The following DNMT3B variants were observed in gnomAD, a reference collection of about 807,000 sequenced individuals.
The protein encoded by DNMT3B is DNA (cytosine-5)-methyltransferase 3B.
Under a neutral mutation model 120.2 loss-of-function variants are expected in DNMT3B, and 37 were observed. The ratio of observed to expected loss-of-function variants is 0.31; its 90% CI spans 0.24 to 0.40. The LOEUF (loss-of-function observed/expected upper bound fraction) is 0.40, where lower values mean the gene tolerates loss of function less well. Among genes scored for constraint, DNMT3B ranks in the 10% least tolerant of loss-of-function variants. DNMT3B has a pLI of 1.00. For synonymous variants in DNMT3B, 412 were observed against 442.8 expected (o/e 0.93, Z 0.87); for missense variants, 878 against 1,137.3 (o/e 0.77, Z 3.28).
In DNMT3B at chr20:32,781,388, G is replaced by A; in HGVS notation, c.178G>A (p.Val60Met). ...AAGCTCGCGACTCTCCAAGAGGGAG[G>A]TGTCCAGTCTGCTAAGCTACACACA... Reference protein sequence around the residue: ...RSSSRLSKREVSSLLSYTQDL... With the variant: ...RSSSRLSKREMSSLLSYTQDL... The change falls in exon 3 of 23, where the codon GTG becomes ATG. Residue 60 changes from valine to methionine, a missense_variant. Around this residue, in one of 4 missense-constraint regions of DNMT3B, gnomAD observed 287 missense variants for 306.2 expected, o/e 0.94. Coordinates refer to ENST00000328111, the MANE Select transcript of DNMT3B (RefSeq NM_006892.4). The A allele has an allele frequency of 1.2e-6, 2 of 1,614,192 alleles. No homozygotes were observed. The highest frequency in any genetic ancestry group is 1.7e-6 in the Non-Finnish European group (2 of 1,180,044).
chr20:32,795,607 C>G (rs143953719), intron 11 of DNMT3B, 43 bp from the exon 12 acceptor site: 1 of 1,614,050 alleles, frequency 6.2e-7, no homozygotes, highest in African/African-American at 1.3e-5. Context: ...GATCTGTACC[C>G]GGCTCCCTGA....
At position 32,791,670 on chromosome 20, in the gene DNMT3B, C is replaced by G. The variant is rs1243294012; in HGVS notation, c.883C>G (p.Leu295Val). The G allele has an allele frequency of 6.2e-7, 1 of 1,614,160 alleles. No homozygotes were observed. The highest frequency in any genetic ancestry group is 8.5e-7 in the Non-Finnish European group (1 of 1,180,004). ...QHFNLATFNK[L>V]VSYRKAMYHA... ...CTTTAATTTGGCCACCTTCAATAAGCTCGTCTCCTATCGAAAAGCCATGTA... is the reference window on the plus strand; with the variant it reads ...CTTTAATTTGGCCACCTTCAATAAGGTCGTCTCCTATCGAAAAGCCATGTA... The change falls in exon 8 of 23, where the codon CTC becomes GTC. Residue 295 changes from leucine (L) to valine (V), a missense_variant. Coordinates refer to ENST00000328111, the MANE Select transcript of DNMT3B (RefSeq NM_006892.4).
In DNMT3B at chr20:32,781,314, T is replaced by G. The variant is rs201695828; in HGVS notation, c.143-39T>G. 2.4e-5 allele frequency: 38 copies of G among 1,585,450 alleles called. No individual in the cohort carries two copies. The East Asian group carries it at 8.7e-4, about 36-fold the overall frequency. On this transcript the variant is annotated intron_variant, in intron 2 of 22. Coordinates refer to ENST00000328111, the MANE Select transcript of DNMT3B (RefSeq NM_006892.4). ...CAAGGCCGTTCCCCAGACTGGTGCC[T>G]GCCCCCACAAAACAGACTCCTGGCT...
chr20:32,783,999 C>T (rs1978952379), intron 3 of DNMT3B, among the ~76,000 whole-genome samples: 1 of 152,076 alleles, frequency 6.6e-6, no homozygotes, highest in African/African-American at 2.4e-5. Flanking sequence ...TAACCTCCAC[C>T]TCCCAGGTTT....
intron 3 of DNMT3B, among the ~76,000 whole-genome samples, chr20:32,782,954 A>G (rs1251537215): frequency 6.6e-6 from 1 of 152,094 alleles, no homozygotes; most frequent in Admixed American, 6.6e-5. Context: ...TTTGAGATGA[A>G]GTCTGTTGCC....
chr20:32,800,093 G>A (rs1981139671), intron 16 of DNMT3B, 60 bp from the exon 17 acceptor site: 1 of 1,608,444 alleles, frequency 6.2e-7, no homozygotes, highest in Non-Finnish European at 8.5e-7. Flanking sequence ...GGGAGTGGAG[G>A]AAATGAGCTG....
intron 21 of DNMT3B, among the ~76,000 whole-genome samples, chr20:32,805,889 C>G (rs182861497): frequency 9.2e-5 from 14 of 152,250 alleles, no homozygotes; most frequent in Non-Finnish European, 1.9e-4. Context: ...TTCTTGGCCC[C>G]CCACGTGATC....
intron 1 of DNMT3B, among the ~76,000 whole-genome samples, chr20:32,763,008 C>G (rs947039680): frequency 6.6e-6 from 1 of 152,028 alleles, no homozygotes; most frequent in Admixed American, 6.5e-5. Context: ...GAAGCTTGCT[C>G]GCAGGGAGGG....
intron 22 of DNMT3B, among the ~76,000 whole-genome samples, chr20:32,807,463 AATGG>A (rs1489283785): frequency 2.0e-5 from 3 of 152,180 alleles, no homozygotes; most frequent in Non-Finnish European, 2.9e-5. Flanking sequence ...GTGTTTTGAA[AATGG>A]ATACATTGCT....
Position 32,800,941 on chromosome 20 carries a change from T to C in DNMT3B, c.1996+16T>C, listed in dbSNP as rs1981261652. 1 of 1,613,918 alleles carries C rather than the reference T, an allele frequency of 6.2e-7. No individual in the cohort carries two copies. The highest frequency in any genetic ancestry group is 1.7e-5 in the Admixed American group (1 of 60,006). On this transcript the variant is annotated intron_variant, in intron 18 of 22. Coordinates refer to ENST00000328111, the MANE Select transcript of DNMT3B (RefSeq NM_006892.4). Reference sequence around the variant, plus strand: ...GGCCTGTATGGTGAGCATCCTTCTCTCTGGCAGTCCCTGGAGAGCCTATGT... The same window carrying C: ...GGCCTGTATGGTGAGCATCCTTCTCCCTGGCAGTCCCTGGAGAGCCTATGT...
intron 12 of DNMT3B, 135 bp from the exon 13 acceptor site, chr20:32,796,655 C>A: frequency 1.1e-6 from 1 of 888,654 alleles, no homozygotes; most frequent in Non-Finnish European, 1.9e-6. Context: ...AGCTGTGAGG[C>A]ATGGCCTGAG....
chr20:32,785,430 G>A (rs1979155217), intron 4 of DNMT3B, among the ~76,000 whole-genome samples: 1 of 152,152 alleles, frequency 6.6e-6, no homozygotes, highest in Non-Finnish European at 1.5e-5. Flanking sequence ...GATAGAGTTT[G>A]CAGGGTGGAT....
chr20:32,774,586 G>A (rs941037824), intron 1 of DNMT3B, among the ~76,000 whole-genome samples: 6 of 150,554 alleles, frequency 4.0e-5, no homozygotes, highest in Middle Eastern at 3.4e-3. Flanking sequence ...TTACTGGTGG[G>A]GATTGGGCTT....
At chr20:32,769,186 G>A (rs1987566600) in intron 1 of DNMT3B, among the ~76,000 whole-genome samples, 3 of 152,008 alleles carry the variant, frequency 2.0e-5, no homozygotes, top group South Asian at 2.1e-4. Flanking sequence ...CCGGGTTCAC[G>A]CCATTCTCCT....
intron 1 of DNMT3B, among the ~76,000 whole-genome samples, chr20:32,770,283 T>C (rs1438356364): frequency 1.3e-5 from 2 of 151,956 alleles, no homozygotes; most frequent in Non-Finnish European, 2.9e-5. Flanking sequence ...AGGCTAGTTT[T>C]TGTAATTTTT....
chr20:32,774,502 C>A (rs1987954247), intron 1 of DNMT3B, among the ~76,000 whole-genome samples: 2 of 137,626 alleles, frequency 1.5e-5, no homozygotes, highest in African/African-American at 2.7e-5. Context: ...AGCCACCGCG[C>A]CTGGCCTTTT....
Position 32,792,639 on chromosome 20 carries a change from G to T in DNMT3B, c.935G>T (p.Arg312Leu), listed in dbSNP as rs763435705. The change falls in exon 9 of 23, where the codon CGA becomes CTA. Residue 312 changes from arginine to leucine, a missense_variant. This residue lies in a region of DNMT3B where 207 missense variants were observed against 222.6 expected (regional missense o/e 0.93). Coordinates refer to ENST00000328111, the MANE Select transcript of DNMT3B (RefSeq NM_006892.4). ...MYHALEKARV[R>L]AGKTFPSSPG... ...CTGCCTTTGCAGAAAGCTAGGGTGC[G>T]AGCTGGCAAGACCTTCCCCAGCAGC... The T allele has an allele frequency of 1.2e-6, 2 of 1,614,112 alleles. No individual in the cohort carries two copies. Among genetic ancestry groups the T allele is most frequent in the African/African-American group, 1.3e-5 (1 of 74,946 alleles).
intron 1 of DNMT3B, among the ~76,000 whole-genome samples, chr20:32,774,425 G>C (rs1034280148): frequency 5.7e-4 from 86 of 151,128 alleles, no homozygotes; most frequent in African/African-American, 2.0e-3. Flanking sequence ...TAGCCAGGAT[G>C]GTCTCGAGCT....
At chr20:32,802,884 G>T (rs1278885859) in intron 20 of DNMT3B, among the ~76,000 whole-genome samples, 1 of 152,192 alleles carries the variant, frequency 6.6e-6, no homozygotes, top group Non-Finnish European at 1.5e-5. Context: ...GCCAGACTGT[G>T]TACCTCCTTC....
Sources: gnomAD v4.1 joint callset for allele counts (sites outside exome capture counted in the v4.1 genomes callset) on GRCh38, gnomAD v4.1.1 for gene constraint, gnomAD v4.1.1 regional missense constraint, MANE v1.5 for transcripts, NCBI Gene and HGNC (gene_info 2026-07-23, HGNC 2026-07-21) for gene names.